Variants in TMEM132B observed in about 807,000 individuals in gnomAD.
The protein encoded by TMEM132B is transmembrane protein 132B.
Under a neutral mutation model 90.8 loss-of-function variants are expected in TMEM132B, and 18 were observed. The ratio of observed to expected loss-of-function variants is 0.20; its 90% confidence interval spans 0.14 to 0.29. The LOEUF is 0.29. Ranked by LOEUF, TMEM132B falls within the 10% of genes least tolerant of loss-of-function variation. TMEM132B has a pLI of 1.00. For synonymous variants in TMEM132B, 504 were observed against 523.3 expected, an observed-to-expected ratio of 0.96 and a Z score of 0.50; for missense variants, 1,096 against 1,326.8, an observed-to-expected ratio of 0.83 and a Z score of 2.70.
intron 4 of TMEM132B, among the ~76,000 whole-genome samples, chr12:125,527,081 C>CCCATCCACCCATCCACCCTT (rs1883489235): frequency 7.7e-6 from 1 of 130,208 alleles, no homozygotes; most frequent in Non-Finnish European, 1.7e-5. Context: ...CTTCTATCCA[C>CCCATCCACCCATCCACCCTT]CCATCCACCC....
chr12:125,235,419 C>T (rs1223139381), intron 1 of TMEM132B, among the ~76,000 whole-genome samples: 1 of 152,070 alleles, frequency 6.6e-6, no homozygotes, highest in Non-Finnish European at 1.5e-5. Flanking sequence ...ACCTGTGGGC[C>T]CATGGAGGCT....
intron 1 of TMEM132B, among the ~76,000 whole-genome samples, chr12:125,223,928 C>T (rs1873619341): frequency 6.6e-6 from 1 of 152,162 alleles, no homozygotes; most frequent in South Asian, 2.1e-4. Context: ...AGGCGCCTGC[C>T]ACCACACATA....
rs1262743357 is a variant in TMEM132B at position 125,406,773 on chromosome 12, G to A, written c.960-8758G>A. ...TCTGATGCCATCTGCAAGTCTGGAG[G>A]GTCCCCAAGACCACCCTCAGGTTCA... On this transcript the variant is annotated intron_variant, in intron 2 of 8. Transcript: ENST00000682704. This position sits in a 1 kb window ranked among gnomAD's most constrained non-coding sequence, Gnocchi z 8.3. Among the ~76,000 whole-genome samples the A allele has an allele frequency of 6.6e-6, 1 of 152,068 alleles. No homozygotes were observed. Among genetic ancestry groups the A allele is most frequent in the African/African-American group, 2.4e-5 (1 of 41,396 alleles).
intron 3 of TMEM132B, among the ~76,000 whole-genome samples, chr12:125,436,754 C>T (rs186495824): frequency 5.9e-5 from 9 of 152,276 alleles, no homozygotes; most frequent in African/African-American, 2.2e-4. Flanking sequence ...TACTTTGTTA[C>T]GGCAGCCCCA....
At chr12:125,496,269 A>G (rs1292806487) in intron 3 of TMEM132B, among the ~76,000 whole-genome samples, 2 of 152,096 alleles carry the variant, frequency 1.3e-5, no homozygotes, top group East Asian at 1.9e-4. Flanking sequence ...ATTCCAGTAC[A>G]TTTTCTGGAA....
intron 3 of TMEM132B, among the ~76,000 whole-genome samples, chr12:125,464,720 A>G (rs1881521370): frequency 6.6e-6 from 1 of 152,206 alleles, no homozygotes; most frequent in Non-Finnish European, 1.5e-5. Context: ...GTTCCATTGT[A>G]ATTTCTTGAA....
At chr12:125,211,792 T>A (rs1387144039) in intron 1 of TMEM132B, among the ~76,000 whole-genome samples, 1 of 152,200 alleles carries the variant, frequency 6.6e-6, no homozygotes, top group African/African-American at 2.4e-5. Flanking sequence ...GGATGCCCTC[T>A]CTTTTTCCCA....
rs1887222006 is a variant in TMEM132B at position 125,662,319 on chromosome 12, A to G, written c.*7609A>G. The G allele has an allele frequency of 2.0e-5, 3 of 152,220 alleles. No individual in the cohort carries two copies. The allele number at this position is 152,220 out of a possible 1,614,324, so 9.4% of individuals were successfully genotyped here. ...TCCACCGTATATTTAATGTCTCTGT[A>G]AAGGCACTTCCAAACATTTTGAAAA... On this transcript the variant is annotated 3_prime_UTR_variant, in exon 9 of 9. Transcript: ENST00000682704.
intron 1 of TMEM132B, among the ~76,000 whole-genome samples, chr12:125,252,073 A>G (rs1874329257): frequency 6.6e-6 from 1 of 152,180 alleles, no homozygotes; most frequent in Non-Finnish European, 1.5e-5. Flanking sequence ...ATACACTGAC[A>G]CTGGTGCACC....
At chr12:125,269,261 C>T (rs900302304) in intron 1 of TMEM132B, among the ~76,000 whole-genome samples, 8 of 152,162 alleles carry the variant, frequency 5.3e-5, no homozygotes, top group Non-Finnish European at 1.0e-4. Flanking sequence ...TTTGGAATTC[C>T]GGGGACTTGG....
chr12:125,462,055 C>T (rs903953314), intron 3 of TMEM132B, among the ~76,000 whole-genome samples: 3 of 152,224 alleles, frequency 2.0e-5, no homozygotes, highest in Non-Finnish European at 4.4e-5. Context: ...GGCTGGCTCA[C>T]ATGACAGCCC....
chr12:125,594,591 G>A (rs1885394859), intron 5 of TMEM132B, among the ~76,000 whole-genome samples: 1 of 152,118 alleles, frequency 6.6e-6, no homozygotes, highest in South Asian at 2.1e-4. Flanking sequence ...ATTTATAGAG[G>A]TTTGTAATTT....
intron 1 of TMEM132B, among the ~76,000 whole-genome samples, chr12:125,345,997 T>C (rs1267936921): frequency 1.3e-5 from 2 of 152,252 alleles, no homozygotes; most frequent in African/African-American, 2.4e-5. Context: ...AAAATGCTCC[T>C]AAATTCAGAT....
chr12:125,353,941 A>G (rs1877679666), intron 2 of TMEM132B, among the ~76,000 whole-genome samples: 1 of 152,196 alleles, frequency 6.6e-6, no homozygotes, highest in African/African-American at 2.4e-5. Flanking sequence ...TAGAGCTGAA[A>G]TGGACTTTAA....
At chr12:125,348,501 T>G (rs78296465) in intron 1 of TMEM132B, among the ~76,000 whole-genome samples, 44 of 26,132 alleles carry the variant, frequency 1.7e-3, no homozygotes, top group Non-Finnish European at 1.7e-3. Flanking sequence ...ATTTTTGTGT[T>G]TTTTTTTTTT....
intron 2 of TMEM132B, among the ~76,000 whole-genome samples, chr12:125,357,973 C>T (rs931979604): frequency 3.3e-5 from 5 of 152,200 alleles, no homozygotes; most frequent in South Asian, 2.1e-4. Flanking sequence ...CTGTTGGGTG[C>T]GTTCTCCCGG....
chr12:125,359,788 A>G (rs140832503), intron 2 of TMEM132B, among the ~76,000 whole-genome samples: 49 of 152,338 alleles, frequency 3.2e-4, no homozygotes, highest in African/African-American at 1.1e-3. Flanking sequence ...ATACTTTAAA[A>G]ACAAAACAAG....
At chr12:125,274,055 C>T (rs1386153009) in intron 1 of TMEM132B, among the ~76,000 whole-genome samples, 2 of 152,180 alleles carry the variant, frequency 1.3e-5, no homozygotes, top group Non-Finnish European at 2.9e-5. Context: ...CTGTGTTCGT[C>T]ATTCCTTTGC....
At chr12:125,625,702 G>A (rs151148769) in intron 5 of TMEM132B, among the ~76,000 whole-genome samples, 6 of 152,324 alleles carry the variant, frequency 3.9e-5, no homozygotes, top group Non-Finnish European at 7.3e-5. Flanking sequence ...TAAACTGAAT[G>A]TTTAACTTTA....
Sources: gnomAD v4.1 joint callset for allele counts (sites outside exome capture counted in the v4.1 genomes callset) on GRCh38, gnomAD v4.1.1 for gene constraint, Gnocchi (gnomAD v3.1) non-coding constraint, MANE v1.5 for transcripts, NCBI Gene and HGNC (gene_info 2026-07-23, HGNC 2026-07-21) for gene names.